TG: variants seen among roughly 807,000 people sequenced by gnomAD.
TG encodes thyroglobulin.
TG carries 270 observed loss-of-function variants against 324.7 expected under a neutral mutation model. The observed-to-expected ratio is 0.83, with a 90% confidence interval of 0.75 to 0.92. The LOEUF (loss-of-function observed/expected upper bound fraction) is 0.92, where lower values mean the gene tolerates loss of function less well. Ranked by LOEUF, TG falls within the 40% of genes least tolerant of loss-of-function variation. The pLI is 0.00. For synonymous variants in TG, 1,401 were observed against 1,327.0 expected, an observed-to-expected ratio of 1.06 and a Z score of -1.21; for missense variants, 3,591 against 3,456.4, an observed-to-expected ratio of 1.04 and a Z score of -0.98.
chr8:133,103,494 T>A (rs974844953), intron 43 of TG, among the ~76,000 whole-genome samples: 10 of 152,220 alleles, frequency 6.6e-5, no homozygotes, highest in African/African-American at 2.4e-4. Flanking sequence ...TCAGAAGGAC[T>A]GACTTGTCCC....
intron 41 of TG, among the ~76,000 whole-genome samples, chr8:133,064,903 G>A (rs981166676): frequency 2.6e-5 from 4 of 152,128 alleles, no homozygotes; most frequent in Admixed American, 2.6e-4. Context: ...CCTTTATCGT[G>A]CACCGAAGGG....
At chr8:132,947,527 A>C (rs1262270613) in intron 26 of TG, among the ~76,000 whole-genome samples, 1 of 152,138 alleles carries the variant, frequency 6.6e-6, no homozygotes, top group Non-Finnish European at 1.5e-5. Context: ...TGAGTCACCT[A>C]CTCTGGGGAA....
intron 40 of TG, among the ~76,000 whole-genome samples, chr8:133,023,172 G>A (rs1224408878): frequency 6.6e-6 from 1 of 152,228 alleles, no homozygotes; most frequent in Non-Finnish European, 1.5e-5. Context: ...CGTCCAGCAT[G>A]AGCAGAAACC....
chr8:133,079,343 A>G (rs17702843), intron 41 of TG, among the ~76,000 whole-genome samples: 25,185 of 152,260 alleles, frequency 0.17, 2,395 homozygotes, highest in East Asian at 0.21. Context: ...AATGCCAGCC[A>G]TGCAAGGATT....
rs1563982304 is a variant in TG at position 132,941,422 on chromosome 8, T to C, written c.5113T>C (p.Tyr1705His). The change falls in exon 26 of 48, where the codon TAC becomes CAC. Residue 1705 changes from tyrosine (Y) to histidine (H), a missense_variant. Physicochemically the swap from Tyr to His is moderately conservative, Grantham distance 83. Transcript: ENST00000220616. ...TGFQNMLSGLYNPIVFSASGA... is the reference protein window; with the variant it reads ...TGFQNMLSGLHNPIVFSASGA... ...TTTCCAAAACATGCTTTCTGGATTG[T>C]ACAACCCCATTGTGTTCTCAGCCTC... 1.9e-6 allele frequency: 3 copies of C among 1,614,258 alleles called. No individual in the cohort carries two copies. Among genetic ancestry groups the C allele is most frequent in the Non-Finnish European group, 2.5e-6 (3 of 1,180,052 alleles).
At position 132,913,245 on chromosome 8, in the gene TG, G is replaced by A. The variant is rs1217596545; in HGVS notation, c.4358G>A (p.Ser1453Asn). Residue 1453 changes from serine (S) to asparagine (N), a missense_variant, in exon 20 of 48, where the codon AGT becomes AAT. Physicochemically the swap from Ser to Asn is conservative, Grantham distance 46 (BLOSUM62 1). Coordinates refer to ENST00000220616, the MANE Select transcript of TG (RefSeq NM_003235.5). ...GFYQVLTSEA[S>N]QDGLGCVKCP... ...TACCAAGTCTTGACAAGTGAGGCCAGTCAGGACGGACTGGGATGCGGTAGG... is the reference window on the plus strand; with the variant it reads ...TACCAAGTCTTGACAAGTGAGGCCAATCAGGACGGACTGGGATGCGGTAGG... The A allele has an allele frequency of 1.9e-6, 3 of 1,614,208 alleles. No homozygotes were observed. Among genetic ancestry groups the A allele is most frequent in the Admixed American group, 1.7e-5 (1 of 60,030 alleles).
chr8:132,888,127 T>A lies in TG; in HGVS notation c.2320T>A (p.Cys774Ser), dbSNP rs1815694520. 9 of 1,614,006 alleles carry A rather than the reference T, an allele frequency of 5.6e-6. No homozygotes were observed. The highest frequency in any genetic ancestry group is 7.6e-6 in the Non-Finnish European group (9 of 1,179,992). The change falls in exon 10 of 48, where the codon TGC becomes AGC. Residue 774 changes from cysteine (C) to serine (S), a missense_variant. Transcript: ENST00000220616. Reference protein sequence around the residue: ...STDGQWRQVQCNGPPEQVFEL... With the variant: ...STDGQWRQVQSNGPPEQVFEL... ...CGATGGGCAGTGGAGACAAGTGCAATGCAATGGGCCTCCTGAGCAGGTCTT... is the reference window on the plus strand; with the variant it reads ...CGATGGGCAGTGGAGACAAGTGCAAAGCAATGGGCCTCCTGAGCAGGTCTT...
chr8:133,047,796 C>A (rs1183338188), intron 41 of TG: 2 of 1,190,372 alleles, frequency 1.7e-6, no homozygotes, highest in East Asian at 2.3e-5. Context: ...CTTGTCTGCC[C>A]CGGATGGGGA....
chr8:133,029,967 C>T lies in TG; in HGVS notation c.7183C>T (p.His2395Tyr). The T allele has an allele frequency of 6.2e-7, 1 of 1,614,212 alleles. No homozygotes were observed. The highest frequency in any genetic ancestry group is 8.5e-7 in the Non-Finnish European group (1 of 1,180,042). Residue 2395 changes from histidine to tyrosine, a missense_variant, in exon 41 of 48, where the codon CAC becomes TAC. Physicochemically the swap from His to Tyr is moderately conservative, Grantham distance 83 (BLOSUM62 2). Coordinates refer to ENST00000220616, the MANE Select transcript of TG (RefSeq NM_003235.5). ...TGGCGGGGCTGATGTGGCCAGCATC[C>T]ACCTTCTCACGGCCAGGGCCACCAA... ...DRGGADVASIHLLTARATNSQ... is the reference protein window; with the variant it reads ...DRGGADVASIYLLTARATNSQ...
intron 34 of TG, among the ~76,000 whole-genome samples, chr8:132,975,803 T>C (rs989246179): frequency 6.6e-6 from 1 of 152,224 alleles, no homozygotes; most frequent in Non-Finnish European, 1.5e-5. Flanking sequence ...GACACAAGTC[T>C]TTCTGACCCT....
chr8:132,953,944 GA>G (rs1826476248), intron 27 of TG, among the ~76,000 whole-genome samples: 1 of 151,024 alleles, frequency 6.6e-6, no homozygotes, highest in Non-Finnish European at 1.5e-5. Context: ...CAAATGAATG[GA>G]AAAAAGGCAG....
chr8:132,989,312 A>G (rs534205096), intron 35 of TG, among the ~76,000 whole-genome samples: 2 of 152,366 alleles, frequency 1.3e-5, no homozygotes, highest in Admixed American at 6.5e-5. Context: ...AAGCCAGGGT[A>G]AACACAGAAT....
At chr8:132,948,667 T>C in intron 26 of TG, 109 bp from the exon 27 acceptor site, 2 of 1,186,990 alleles carry the variant, frequency 1.7e-6, no homozygotes, top group Non-Finnish European at 2.5e-6. Flanking sequence ...TGTCTTCTCC[T>C]GAGACGCTGT....
intron 39 of TG, 81 bp from the exon 40 acceptor site, chr8:133,021,910 G>C: frequency 3.2e-6 from 5 of 1,577,676 alleles, no homozygotes; most frequent in Non-Finnish European, 4.3e-6. Context: ...GAGGAGTCCT[G>C]TGTCAACCAA....
rs776307291 is a variant in TG, at chr8:133,133,501, A to C, written c.8029A>C (p.Lys2677Gln). The change falls in exon 47 of 48, where the codon AAA becomes CAA. Residue 2677 changes from lysine to glutamine, a missense_variant. By Grantham distance (53) the Lys-to-Gln change is moderately conservative. Coordinates refer to ENST00000220616, the MANE Select transcript of TG (RefSeq NM_003235.5). ...NPNYPYEFSR[K>Q]VPTFATPWPD... ...CAACTACCCTTATGAGTTCTCACGG[A>C]AAGTACCCACATTTGCAACCCCCTG... The C allele has an allele frequency of 6.2e-7, 1 of 1,614,184 alleles. No individual in the cohort carries two copies. Among genetic ancestry groups the C allele is most frequent in the South Asian group, 1.1e-5 (1 of 91,088 alleles).
At chr8:133,050,746 C>G (rs1008246684) in intron 41 of TG, 21 of 1,039,848 alleles carry the variant, frequency 2.0e-5, no homozygotes, top group Non-Finnish European at 2.6e-5. Flanking sequence ...AGCTAACAAT[C>G]AAATACTTTT....
chr8:132,911,238 T>G, intron 18 of TG, 139 bp from the exon 19 acceptor site: 1 of 1,456,206 alleles, frequency 6.9e-7, no homozygotes, highest in Non-Finnish European at 9.5e-7. Context: ...AGGGGGTCAC[T>G]ATTCCTTGAC....
intron 34 of TG, among the ~76,000 whole-genome samples, chr8:132,975,997 T>C (rs1830128913): frequency 6.6e-6 from 1 of 152,184 alleles, no homozygotes; most frequent in African/African-American, 2.4e-5. Context: ...CTGGGCACTG[T>C]GGAAAGTGAG....
At chr8:132,895,570 G>A (rs1242562562) in intron 11 of TG, among the ~76,000 whole-genome samples, 2 of 152,172 alleles carry the variant, frequency 1.3e-5, no homozygotes, top group African/African-American at 4.8e-5. Context: ...AGTAGCTGGT[G>A]GTTAACCATC....
Sources: allele counts gnomAD v4.1 joint callset (sites outside exome capture counted in the v4.1 genomes callset), GRCh38; gene constraint gnomAD v4.1.1; transcripts MANE v1.5; gene names NCBI Gene and HGNC (gene_info 2026-07-23, HGNC 2026-07-21).